TCF12: variants seen among roughly 807,000 people sequenced by gnomAD.
TCF12 encodes the protein DNA-binding protein HTF4.
TCF12 carries 45 observed loss-of-function variants against 86.0 expected under a neutral mutation model. The ratio of observed to expected loss-of-function variants is 0.52; its 90% CI spans 0.41 to 0.67. The LOEUF (loss-of-function observed/expected upper bound fraction) is 0.67, where lower values mean the gene tolerates loss of function less well. Ranked by LOEUF, TCF12 falls within the 30% of genes least tolerant of loss-of-function variation. The pLI, the probability that TCF12 is intolerant of heterozygous loss-of-function variation, is 0.00. For synonymous variants in TCF12, 330 were observed against 299.6 expected, an observed-to-expected ratio of 1.10 and a Z score of -1.05; for missense variants, 881 against 859.9, an observed-to-expected ratio of 1.02 and a Z score of -0.31.
intron 18 of TCF12, among the ~76,000 whole-genome samples, chr15:57,268,814 A>T (rs1356294757): frequency 7.5e-6 from 1 of 133,298 alleles, no homozygotes; most frequent in Admixed American, 8.4e-5. Flanking sequence ...CACTATTCAG[A>T]ATTAACCACT....
At chr15:56,939,365 A>C (rs1355740164) in intron 3 of TCF12, among the ~76,000 whole-genome samples, 4 of 152,108 alleles carry the variant, frequency 2.6e-5, no homozygotes, top group Non-Finnish European at 5.9e-5. Flanking sequence ...GAGTGCAACT[A>C]ATTATTGTAT....
intron 3 of TCF12, among the ~76,000 whole-genome samples, chr15:56,921,749 G>C (rs1159233181): frequency 1.3e-5 from 2 of 151,942 alleles, no homozygotes; most frequent in African/African-American, 4.8e-5. Flanking sequence ...ATGCCTCTTT[G>C]ATGGGTGCTT....
intron 5 of TCF12, among the ~76,000 whole-genome samples, chr15:57,157,193 TTAA>T (rs1264192811): frequency 4.6e-5 from 7 of 152,206 alleles, no homozygotes; most frequent in African/African-American, 1.7e-4. Context: ...TTAAATTATT[TTAA>T]ATCGTTTTTT....
chr15:57,079,667 G>A (rs527866757), intron 4 of TCF12, among the ~76,000 whole-genome samples: 1 of 152,218 alleles, frequency 6.6e-6, no homozygotes, highest in South Asian at 2.1e-4. Context: ...CCTGGCGGTT[G>A]TTCCTCAGCC....
chr15:57,202,713 G>A (rs1439288245), intron 8 of TCF12, among the ~76,000 whole-genome samples: 2 of 151,208 alleles, frequency 1.3e-5, no homozygotes, highest in African/African-American at 2.4e-5. Flanking sequence ...GGGATTACAG[G>A]TGTGAGCCAC....
intron 5 of TCF12, among the ~76,000 whole-genome samples, chr15:57,141,769 C>T (rs74016122): frequency 0.079 from 11,964 of 152,220 alleles, 521 homozygotes; most frequent in Middle Eastern, 0.14. Context: ...ATTCTGCACT[C>T]AAGTGTCAGA....
chr15:57,021,157 A>G (rs1196116289), intron 3 of TCF12, among the ~76,000 whole-genome samples: 6 of 152,212 alleles, frequency 3.9e-5, no homozygotes, highest in Non-Finnish European at 5.9e-5. Context: ...AAGAAGTTTA[A>G]CTTTTCAGAT....
At position 57,170,742 on chromosome 15, in the gene TCF12, ATATT is replaced by A. The variant is rs2055381321; in HGVS notation, c.390+4277_390+4280del. ...ATATATTATATATTATATATAATATATATTATATATTATATATTATATATATATT... is the reference window on the plus strand; with the variant it reads ...ATATATTATATATTATATATAATATAATATATTATATATTATATATATATT... On this transcript the variant is annotated intron_variant, in intron 6 of 20. Transcript: ENST00000333725. Among the ~76,000 whole-genome samples, 4 of 36,934 alleles carry A rather than the reference ATATT, an allele frequency of 1.1e-4. No homozygotes were observed. In the South Asian group the frequency reaches 1.7e-3, roughly 16 times the overall value. The allele number at this position is 36,934 out of a possible 152,430, so 24.2% of individuals were successfully genotyped here. A position where few individuals can be genotyped will look rare whatever the true frequency, so the allele number is the denominator to read the frequency against.
chr15:57,251,125 T>C (rs2060097346), intron 13 of TCF12: 1 of 430,924 alleles, frequency 2.3e-6, no homozygotes, highest in Non-Finnish European at 4.2e-6. Flanking sequence ...GTATTTAAAA[T>C]TACAGGGTTT....
intron 3 of TCF12, among the ~76,000 whole-genome samples, chr15:56,981,928 G>A (rs1252273523): frequency 6.6e-6 from 1 of 152,122 alleles, no homozygotes; most frequent in East Asian, 1.9e-4. Context: ...TCTCGCAGAG[G>A]TGGAAGGGGC....
At chr15:57,241,310 T>C (rs1261882687) in intron 12 of TCF12, among the ~76,000 whole-genome samples, 1 of 152,056 alleles carries the variant, frequency 6.6e-6, no homozygotes, top group Non-Finnish European at 1.5e-5. Flanking sequence ...CAGGCTGGTC[T>C]CGAACTCCTG....
chr15:56,999,450 A>T (rs1310592055), intron 3 of TCF12, among the ~76,000 whole-genome samples: 1 of 152,186 alleles, frequency 6.6e-6, no homozygotes, highest in Non-Finnish European at 1.5e-5. Flanking sequence ...AATTTTAAGG[A>T]TAAGTGATAC....
At chr15:57,264,389 C>T (rs941772233) in intron 18 of TCF12, among the ~76,000 whole-genome samples, 4 of 151,102 alleles carry the variant, frequency 2.6e-5, no homozygotes, top group Admixed American at 6.6e-5. Context: ...TTAGTGGAGA[C>T]GGGGTTTCAC....
At chr15:57,210,983 C>G (rs1309152758) in intron 8 of TCF12, among the ~76,000 whole-genome samples, 1 of 152,162 alleles carries the variant, frequency 6.6e-6, no homozygotes, top group Non-Finnish European at 1.5e-5. Context: ...AGATGAGCTC[C>G]CATATTGACT....
At chr15:57,124,647 A>G (rs2151308113) in intron 5 of TCF12, among the ~76,000 whole-genome samples, 1 of 152,082 alleles carries the variant, frequency 6.6e-6, no homozygotes, top group Admixed American at 6.5e-5. Flanking sequence ...TTTTCACCAG[A>G]CACAATGGCT....
At chr15:57,113,770 T>G in intron 5 of TCF12, among the ~76,000 whole-genome samples, 1 of 113,216 alleles carries the variant, frequency 8.8e-6, no homozygotes, top group South Asian at 3.3e-4. Context: ...CAAGAGCTCG[T>G]CTCTACTTAA....
chr15:57,111,841 C>CCT (rs1785200042), intron 5 of TCF12, among the ~76,000 whole-genome samples: 1 of 152,116 alleles, frequency 6.6e-6, no homozygotes, highest in African/African-American at 2.4e-5. Context: ...AGTCCACTAG[C>CCT]CTCAGCCTTT....
rs546333646 is a variant in TCF12 at position 57,209,137 on chromosome 15, A to G, written c.579+11312A>G. Reference sequence around the variant, plus strand: ...AAGGCCATTATTTTATGTATCTATAATAGGAAACATCACCTGTTAATGACT... The same window carrying G: ...AAGGCCATTATTTTATGTATCTATAGTAGGAAACATCACCTGTTAATGACT... On this transcript the variant is annotated intron_variant, in intron 8 of 20. Coordinates refer to ENST00000333725, the MANE Select transcript of TCF12 (RefSeq NM_207037.2). Among the ~76,000 whole-genome samples, 218 of 152,356 alleles carry G rather than the reference A, an allele frequency of 1.4e-3. 1 individual carries two copies. Among genetic ancestry groups the G allele is most frequent in the Non-Finnish European group, 1.6e-3 (108 of 68,036 alleles).
At chr15:57,140,330 A>T (rs2052866181) in intron 5 of TCF12, among the ~76,000 whole-genome samples, 1 of 152,238 alleles carries the variant, frequency 6.6e-6, no homozygotes, top group Non-Finnish European at 1.5e-5. Flanking sequence ...AAAGACAAAT[A>T]CTGTATAATT....
Sources: gnomAD v4.1 joint callset for allele counts (sites outside exome capture counted in the v4.1 genomes callset) on GRCh38, gnomAD v4.1.1 for gene constraint, MANE v1.5 for transcripts, NCBI Gene and HGNC (gene_info 2026-07-23, HGNC 2026-07-21) for gene names.